The following WWC2 variants were observed in gnomAD, a reference collection of about 807,000 sequenced individuals.
WWC2 encodes the protein protein WWC2.
WWC2 carries 101 observed loss-of-function variants against 138.5 expected under a neutral mutation model. That is an observed-to-expected ratio of 0.73 (90% CI 0.62 to 0.86). The LOEUF is 0.86. Ranked by LOEUF, WWC2 falls within the 40% of genes least tolerant of loss-of-function variation. WWC2 has a pLI of 0.00. For synonymous variants in WWC2, 558 were observed against 538.4 expected (o/e 1.04, Z -0.50); for missense variants, 1,420 against 1,419.4 (o/e 1.00, Z -0.01).
intron 15 of WWC2, 126 bp from the exon 16 acceptor site, chr4:183,270,954 A>G (rs573053320): frequency 1.2e-6 from 1 of 828,172 alleles, no homozygotes; most frequent in Admixed American, 3.9e-5. Flanking sequence ...TGTCAGGAGA[A>G]TTGTGTTTTT....
chr4:183,311,148 G>A (rs1273759846), intron 21 of WWC2, among the ~76,000 whole-genome samples: 1 of 151,866 alleles, frequency 6.6e-6, no homozygotes, highest in Non-Finnish European at 1.5e-5. Context: ...TTATTGATTG[G>A]GTGAATGAAT....
chr4:183,143,504 T>C (rs1200214930), intron 1 of WWC2, among the ~76,000 whole-genome samples: 1 of 152,206 alleles, frequency 6.6e-6, no homozygotes, highest in African/African-American at 2.4e-5. Flanking sequence ...CATGTGTTTT[T>C]AATAATATAC....
intron 1 of WWC2, among the ~76,000 whole-genome samples, chr4:183,177,790 G>A (rs755964264): frequency 6.6e-6 from 1 of 152,046 alleles, no homozygotes. Context: ...CAGGTGCACC[G>A]AGATTGATTG....
chr4:183,227,134 T>C (rs1234309307), intron 4 of WWC2, among the ~76,000 whole-genome samples: 1 of 146,616 alleles, frequency 6.8e-6, no homozygotes, highest in Non-Finnish European at 1.5e-5. Context: ...CACCACTACT[T>C]GTTGAAGACA....
intron 1 of WWC2, among the ~76,000 whole-genome samples, chr4:183,180,470 C>T (rs1580019544): frequency 6.6e-6 from 1 of 152,160 alleles, no homozygotes; most frequent in Non-Finnish European, 1.5e-5. Flanking sequence ...TGGCCAGTCT[C>T]ACCAAGCTTG....
intron 5 of WWC2, 189 bp downstream of exon 5, chr4:183,240,451 A>C (rs1736581411): frequency 2.1e-6 from 1 of 469,202 alleles, no homozygotes. Flanking sequence ...AGATCTATGC[A>C]CTTGAAAAGA....
chr4:183,117,770 C>T (rs1041770045), intron 1 of WWC2, among the ~76,000 whole-genome samples: 8 of 150,632 alleles, frequency 5.3e-5, no homozygotes, highest in African/African-American at 1.5e-4. Flanking sequence ...ATGCCCAGCC[C>T]GCAGACCTTG....
chr4:183,306,770 G>T (rs1357069240), intron 21 of WWC2, among the ~76,000 whole-genome samples: 1 of 151,110 alleles, frequency 6.6e-6, no homozygotes, highest in Non-Finnish European at 1.5e-5. Context: ...CTGGTGATCC[G>T]CCTGCCTTGG....
intron 1 of WWC2, among the ~76,000 whole-genome samples, chr4:183,176,080 A>G (rs1734460555): frequency 6.6e-6 from 1 of 152,206 alleles, no homozygotes; most frequent in African/African-American, 2.4e-5. Flanking sequence ...AAGTTAGTAT[A>G]GTTATCAAAC....
At chr4:183,280,737 GTA>G in intron 16 of WWC2, 37 bp from the exon 17 acceptor site, 1 of 1,559,864 alleles carries the variant, frequency 6.4e-7, no homozygotes. Context: ...ATTTTTTCAA[GTA>G]TATTATGTTA....
intron 1 of WWC2, among the ~76,000 whole-genome samples, chr4:183,118,017 C>T (rs1416215637): frequency 4.0e-5 from 6 of 151,696 alleles, no homozygotes; most frequent in South Asian, 2.1e-4. Context: ...CCAGGCTGGT[C>T]TTGAACTGCT....
chr4:183,198,582 A>T (rs1178161666), intron 2 of WWC2, among the ~76,000 whole-genome samples: 1 of 151,830 alleles, frequency 6.6e-6, no homozygotes, highest in Admixed American at 6.6e-5. Context: ...TCACCAAAAA[A>T]TTTTTTGCAC....
rs562516954 is a variant in WWC2 at position 183,114,702 on chromosome 4, C to A, written c.131+15080C>A. ...TTTCTTCCAACGTTTATTTCAGGTTCACAGAGTACACACGTGGATTTGTTA... is the reference window on the plus strand; with the variant it reads ...TTTCTTCCAACGTTTATTTCAGGTTAACAGAGTACACACGTGGATTTGTTA... On this transcript the variant is annotated intron_variant, in intron 1 of 22. Coordinates refer to ENST00000403733, the MANE Select transcript of WWC2 (RefSeq NM_024949.6). 6.8e-4 allele frequency among the ~76,000 whole-genome samples: 103 copies of A among 150,782 alleles called. 3 individuals carry two copies. In the South Asian group the frequency reaches 9.2e-3, roughly 14 times the overall value.
At chr4:183,253,205 A>C (rs920230615) in intron 8 of WWC2, among the ~76,000 whole-genome samples, 4 of 152,078 alleles carry the variant, frequency 2.6e-5, no homozygotes, top group Non-Finnish European at 5.9e-5. Flanking sequence ...AGTTGGCCAC[A>C]CCACTGCTCT....
At chr4:183,164,099 A>G (rs1388564577) in intron 1 of WWC2, among the ~76,000 whole-genome samples, 2 of 151,572 alleles carry the variant, frequency 1.3e-5, no homozygotes, top group Admixed American at 6.6e-5. Context: ...TTTGGACAAA[A>G]TAATTTCTGT....
At chr4:183,289,215 G>A (rs905771826) in intron 20 of WWC2, among the ~76,000 whole-genome samples, 178 bp from the exon 21 acceptor site, 1 of 152,218 alleles carries the variant, frequency 6.6e-6, no homozygotes, top group Non-Finnish European at 1.5e-5. Context: ...TCTGCCAGAA[G>A]TAAGGCATGT....
intron 21 of WWC2, among the ~76,000 whole-genome samples, chr4:183,311,622 C>A (rs1170562985): frequency 6.9e-6 from 1 of 144,610 alleles, no homozygotes. Flanking sequence ...CTCTGTCGCC[C>A]AGGCTGGTGT....
rs769634252 is a variant in WWC2, at chr4:183,289,532, G to T, written c.3281G>T (p.Arg1094Leu). The part of the protein sequence containing the change: ...NDELQALRDL[R>L]QKLEELKAQG... ...GAGCTGCAGGCGCTGAGGGACTTGC[G>T]GCAGAAGCTGGAGGAACTGAAAGCT... The change falls in exon 21 of 23, where the codon CGG (arginine) becomes CTG (leucine). Residue 1094 changes from arginine (R) to leucine (L), a missense_variant. Arg to Leu is a moderately radical substitution (Grantham distance 102). Coordinates refer to ENST00000403733, the MANE Select transcript of WWC2 (RefSeq NM_024949.6). 2.5e-6 allele frequency: 4 copies of T among 1,613,940 alleles called. No homozygotes were observed. The highest frequency in any genetic ancestry group is 3.4e-6 in the Non-Finnish European group (4 of 1,179,878).
Position 183,179,266 on chromosome 4 carries a change from CTGG to C in WWC2, c.132-14328_132-14326del, listed in dbSNP as rs1170562660. Reference sequence around the variant, plus strand: ...AGGAGTGTGAGAACTGGAATGAGAGCTGGTGGTCAAAGAGACTTAGCATTGTCT... The same window carrying C: ...AGGAGTGTGAGAACTGGAATGAGAGCTGGTCAAAGAGACTTAGCATTGTCT... On this transcript the variant is annotated intron_variant, in intron 1 of 22. Coordinates refer to ENST00000403733, the MANE Select transcript of WWC2 (RefSeq NM_024949.6). 4.9e-4 allele frequency among the ~76,000 whole-genome samples: 74 copies of C among 152,222 alleles called. 2 individuals carry two copies. The highest frequency in any genetic ancestry group is 4.8e-3 in the Admixed American group (74 of 15,280).
Sources: gnomAD v4.1 joint callset for allele counts (sites outside exome capture counted in the v4.1 genomes callset) on GRCh38, gnomAD v4.1.1 for gene constraint, MANE v1.5 for transcripts, NCBI Gene and HGNC (gene_info 2026-07-23, HGNC 2026-07-21) for gene names.